Variants in PRRT3 observed in about 807,000 individuals in gnomAD.
PRRT3 encodes proline-rich transmembrane protein 3.
PRRT3 carries 48 observed loss-of-function variants against 56.6 expected under a neutral mutation model. The observed-to-expected ratio is 0.85, with a 90% CI of 0.67 to 1.08. The LOEUF is 1.08. PRRT3 is among the 50% of genes least tolerant of loss of function. The probability of loss-of-function intolerance (pLI) is 0.00; values close to 1 mark genes in which losing one functional copy is unlikely to be tolerated. For synonymous variants in PRRT3, 641 were observed against 619.1 expected, an observed-to-expected ratio of 1.04 and a Z score of -0.52; for missense variants, 1,370 against 1,353.1, an observed-to-expected ratio of 1.01 and a Z score of -0.20.
rs765142052 is a variant in PRRT3, at chr3:9,950,161, C to T, written c.-46G>A. On this transcript the variant is annotated 5_prime_UTR_variant, in exon 2 of 4. Transcript: ENST00000412055. ...CCTAAAGCCCCCACCTTCCAGTCCT[C>T]ACTGGATGAGCCTAAAAAAAAAACA... 7.5e-7 allele frequency: 1 copy of T among 1,339,458 alleles called. No individual in the cohort carries two copies. Among genetic ancestry groups the T allele is most frequent in the East Asian group, 2.6e-5 (1 of 37,846 alleles). 83.0% of individuals were successfully genotyped at this position (1,339,458 alleles called of 1,614,324 possible). A position where few individuals can be genotyped will look rare whatever the true frequency, so the allele number is the denominator to read the frequency against.
chr3:9,947,331 C>A lies in PRRT3; in HGVS notation c.1842G>T (p.Leu614=). The A allele has an allele frequency of 6.2e-7, 1 of 1,606,478 alleles. No individual in the cohort carries two copies. ...GGCGACGGCACAGGCAGAGCGTGCC[C>A]AGAGCCACGGCCGCGCCCCAGGCGC... ...LSCAWGAAVA[L]GTLCLCRRRL... is the part of the protein sequence containing the mutation. Residue 614 remains leucine, a synonymous_variant, in exon 4 of 4, where the codon CTG becomes CTT. Transcript: ENST00000412055. This position sits in a 1 kb window ranked among gnomAD's most constrained non-coding sequence, Gnocchi z 9.2.
In PRRT3 at chr3:9,949,005, A is replaced by G. The variant is rs982502976; in HGVS notation, c.1016-92T>C. 3 of 1,514,368 alleles carry G rather than the reference A, an allele frequency of 2.0e-6. No individual in the cohort carries two copies. Among genetic ancestry groups the G allele is most frequent in the African/African-American group, 1.4e-5 (1 of 71,726 alleles). 93.8% of individuals were successfully genotyped at this position (1,514,368 alleles called of 1,614,324 possible). A position where few individuals can be genotyped will look rare whatever the true frequency, so the allele number is the denominator to read the frequency against. On this transcript the variant is annotated intron_variant, in intron 2 of 3. Transcript: ENST00000412055. This position sits in a 1 kb window ranked among gnomAD's most constrained non-coding sequence, Gnocchi z 4.5. ...AGTCACAATCAACCTCATTTGCCACAAAGAGGAAAATGAGACCTAGAGGGA... is the reference window on the plus strand; with the variant it reads ...AGTCACAATCAACCTCATTTGCCACGAAGAGGAAAATGAGACCTAGAGGGA...
rs994053097 is a variant in PRRT3, at chr3:9,947,861, C to T, written c.1312G>A (p.Ala438Thr). The change falls in exon 4 of 4, where the codon GCC (alanine) becomes ACC (threonine). Residue 438 changes from alanine (A) to threonine (T), a missense_variant. Physicochemically the swap from Ala to Thr is moderately conservative, Grantham distance 58 (BLOSUM62 0). Transcript: ENST00000412055. The surrounding 1 kb of genome is among the most constrained non-coding windows in gnomAD (Gnocchi z 9.2). ...GCTGGGGCTGAAGCCATGGAGCTGGCGGTGGGCTCCGGAGGGGGAGGCTGG... is the reference window on the plus strand; with the variant it reads ...GCTGGGGCTGAAGCCATGGAGCTGGTGGTGGGCTCCGGAGGGGGAGGCTGG... ...LGQPPPPEPTASSMASAPASS... is the reference protein window; with the variant it reads ...LGQPPPPEPTTSSMASAPASS... 3.2e-5 allele frequency: 46 copies of T among 1,425,162 alleles called. No individual in the cohort carries two copies. Among genetic ancestry groups the T allele is most frequent in the East Asian group, 1.4e-4 (5 of 36,674 alleles). The allele number at this position is 1,425,162 out of a possible 1,614,324, so 88.3% of individuals were successfully genotyped here.
chr3:9,949,223 CA>C lies in PRRT3; in HGVS notation c.892del (p.Trp298GlyfsTer46). The C allele has an allele frequency of 6.2e-7, 1 of 1,604,528 alleles. No individual in the cohort carries two copies. Among genetic ancestry groups the C allele is most frequent in the Non-Finnish European group, 8.5e-7 (1 of 1,175,608 alleles). ...TPKRAGAEVS[W>X]EVSSPGPPPK... ...CGGGGGACCTGGGGAGCTGACTTCC[CA>C]GGACACCTCAGCGCCAGCCCTCTTG... is the stretch of plus-strand genomic sequence containing the variant. On this transcript the variant is annotated frameshift_variant, in exon 2 of 4. Transcript: ENST00000412055. LOFTEE classifies it high-confidence loss of function. This position sits in a 1 kb window ranked among gnomAD's most constrained non-coding sequence, Gnocchi z 4.5.
rs1397284001 is a variant in PRRT3 at position 9,948,822 on chromosome 3, A to G, written c.1107T>C (p.Pro369=). The change falls in exon 3 of 4, where the codon CCT becomes CCC. Residue 369 remains proline, a synonymous_variant. Coordinates refer to ENST00000412055, the MANE Select transcript of PRRT3 (RefSeq NM_207351.5). ...CAGCTGGGCCAGGGTCTGAGGGACC[A>G]GGGATGAGAGACTTGGGGGTGCCTG... The part of the protein sequence containing the change: ...EAPGTPKSLI[P]GPSDPGPAVN... The G allele has an allele frequency of 6.2e-7, 1 of 1,613,584 alleles. No individual in the cohort carries two copies. The highest frequency in any genetic ancestry group is 8.5e-7 in the Non-Finnish European group (1 of 1,179,812).
intron 3 of PRRT3, chr3:9,948,468 A>G (rs1314131159): frequency 4.2e-6 from 2 of 480,002 alleles, no homozygotes; most frequent in Non-Finnish European, 7.2e-6. Flanking sequence ...CTGGGACTAC[A>G]GGTATGCACC....
intron 1 of PRRT3, among the ~76,000 whole-genome samples, chr3:9,951,495 C>T (rs2085619156): frequency 6.6e-6 from 1 of 152,192 alleles, no homozygotes; most frequent in Admixed American, 6.5e-5. Flanking sequence ...TCCCATCCTC[C>T]AAACTCGAGT....
rs372682010 is a variant in PRRT3 at position 9,947,624 on chromosome 3, G to A, written c.1549C>T (p.Arg517Ter). 1.3e-6 allele frequency: 2 copies of A among 1,582,984 alleles called. No homozygotes were observed. Among genetic ancestry groups the A allele is most frequent in the Admixed American group, 1.8e-5 (1 of 56,332 alleles). Residue 517 changes from arginine (R) to a stop codon, truncating the protein, a stop_gained, in exon 4 of 4, where the codon CGA becomes TGA. Transcript: ENST00000412055. LOFTEE classifies it high-confidence loss of function. The surrounding 1 kb of genome is among the most constrained non-coding windows in gnomAD (Gnocchi z 9.2). ...AVLVLVASAL[R>*]SAYMLTDPYG... ...GGGTCGGTAAGCATGTAGGCGGATC[G>A]CAGCGCCGAAGCCACGAGCACCAGC...
Position 9,949,807 on chromosome 3 carries a change from T to G in PRRT3, c.309A>C (p.Gln103His), listed in dbSNP as rs1048422415. 1 of 1,614,110 alleles carries G rather than the reference T, an allele frequency of 6.2e-7. No individual in the cohort carries two copies. Among genetic ancestry groups the G allele is most frequent in the Non-Finnish European group, 8.5e-7 (1 of 1,179,980 alleles). ...CTGGGAGTCGTTCTCTCTGAGCTCC[T>G]TGTGCTGCTTTGGGCCCGTACAGGG... ...GPALYGPKAA[Q>H]GAQRERLPVT... Residue 103 changes from glutamine (Q) to histidine (H), a missense_variant, in exon 2 of 4, where the codon CAA becomes CAC. By Grantham distance (24) the Gln-to-His change is conservative. Transcript: ENST00000412055. This position sits in a 1 kb window ranked among gnomAD's most constrained non-coding sequence, Gnocchi z 4.5.
intron 3 of PRRT3, 92 bp from the exon 4 acceptor site, chr3:9,948,093 C>T (rs2085560570): frequency 6.4e-6 from 8 of 1,251,902 alleles, no homozygotes; most frequent in Middle Eastern, 4.1e-4. Flanking sequence ...TTTAACTTTT[C>T]CAAACAAATC....
rs775422802 is a variant in PRRT3, at chr3:9,947,780, G to C, written c.1393C>G (p.Arg465Gly). 1 of 1,469,740 alleles carries C rather than the reference G, an allele frequency of 6.8e-7. No individual in the cohort carries two copies. The highest frequency in any genetic ancestry group is 9.0e-7 in the Non-Finnish European group (1 of 1,112,044). 91.0% of individuals were successfully genotyped at this position (1,469,740 alleles called of 1,614,324 possible). ...APPLRWGPLR[R>G]VLSFSWELHV... Reference sequence around the variant, plus strand: ...AGCTCCCAGGAGAAGCTCAGGACCCGCCGAAGGGGGCCCCAGCGTAGCGGG... The same window carrying C: ...AGCTCCCAGGAGAAGCTCAGGACCCCCCGAAGGGGGCCCCAGCGTAGCGGG... The change falls in exon 4 of 4, where the codon CGG becomes GGG. Residue 465 changes from arginine (R) to glycine (G), a missense_variant. By Grantham distance (125) the Arg-to-Gly change is moderately radical (BLOSUM62 -2). Transcript: ENST00000412055. The surrounding 1 kb of genome is among the most constrained non-coding windows in gnomAD (Gnocchi z 9.2).
At position 9,949,608 on chromosome 3, in the gene PRRT3, G is replaced by C. The variant is rs2085588969; in HGVS notation, c.508C>G (p.Pro170Ala). Residue 170 changes from proline to alanine, a missense_variant, in exon 2 of 4, where the codon CCC (proline) becomes GCC (alanine). Coordinates refer to ENST00000412055, the MANE Select transcript of PRRT3 (RefSeq NM_207351.5). This position sits in a 1 kb window ranked among gnomAD's most constrained non-coding sequence, Gnocchi z 4.5. ...TCTTGGCCTTCATGCTGCAGGGAGG[G>C]AGGAACTGTGGCTACCCTGAGTTGA... ...RRQLRVATVP[P>A]SLQHEGQEGQ... 6.2e-7 allele frequency: 1 copy of C among 1,614,048 alleles called. No individual in the cohort carries two copies. Among genetic ancestry groups the C allele is most frequent in the African/African-American group, 1.3e-5 (1 of 74,934 alleles).
At position 9,949,812 on chromosome 3, in the gene PRRT3, C is replaced by T. The variant is rs775984675; in HGVS notation, c.304G>A (p.Ala102Thr). 2.5e-6 allele frequency: 4 copies of T among 1,614,106 alleles called. No individual in the cohort carries two copies. Among genetic ancestry groups the T allele is most frequent in the Non-Finnish European group, 3.4e-6 (4 of 1,179,986 alleles). Residue 102 changes from alanine (A) to threonine (T), a missense_variant, in exon 2 of 4, where the codon GCA (alanine) becomes ACA (threonine). Transcript: ENST00000412055. The surrounding 1 kb of genome is among the most constrained non-coding windows in gnomAD (Gnocchi z 4.5). ...AGTCGTTCTCTCTGAGCTCCTTGTG[C>T]TGCTTTGGGCCCGTACAGGGCTGGG... The part of the protein sequence containing the change: ...LGPALYGPKA[A>T]QGAQRERLPV...
chr3:9,952,295 C>G (rs547989570), intron 1 of PRRT3, 27 bp downstream of exon 1: 1 of 152,580 alleles, frequency 6.6e-6, no homozygotes, highest in South Asian at 2.1e-4. Flanking sequence ...GTCCCGCCAT[C>G]GCCCCCTCCC....
intron 1 of PRRT3, among the ~76,000 whole-genome samples, chr3:9,951,739 G>A (rs565447840): frequency 3.3e-5 from 5 of 152,158 alleles, no homozygotes; most frequent in Non-Finnish European, 7.3e-5. Flanking sequence ...ACGTCACTCC[G>A]CCCTCCCAAT....
chr3:9,949,433 CCACCCTGTCCTTCCAG>C lies in PRRT3; in HGVS notation c.667_682del (p.Leu223GlyfsTer116). ...TGCCTCCTGCAAGTGTTCCTCAAAC[CCACCCTGTCCTTCCAG>C]CACTGGCCTCTTGACAGTACCTGAG... On this transcript the variant is annotated frameshift_variant, in exon 2 of 4. Transcript: ENST00000412055. LOFTEE classifies it high-confidence loss of function. The surrounding 1 kb of genome is among the most constrained non-coding windows in gnomAD (Gnocchi z 4.5). The C allele has an allele frequency of 6.2e-7, 1 of 1,614,098 alleles. No homozygotes were observed. The highest frequency in any genetic ancestry group is 8.5e-7 in the Non-Finnish European group (1 of 1,180,004).
Position 9,947,567 on chromosome 3 carries a change from C to A in PRRT3, c.1606G>T (p.Gly536Trp). The change falls in exon 4 of 4, where the codon GGG becomes TGG. Residue 536 changes from glycine to tryptophan, a missense_variant. Coordinates refer to ENST00000412055, the MANE Select transcript of PRRT3 (RefSeq NM_207351.5). This position sits in a 1 kb window ranked among gnomAD's most constrained non-coding sequence, Gnocchi z 9.2. ...GGCAGGTTGTAGAGCACCAGGCCCC[C>A]GCGAACGCCCAGCCGCGCCTGCGAG... ...YGSQARLGVR[G>W]GLVLYNLPFP... The A allele has an allele frequency of 6.2e-7, 1 of 1,604,508 alleles. No individual in the cohort carries two copies. The highest frequency in any genetic ancestry group is 2.3e-5 in the East Asian group (1 of 44,348).
rs777105357 is a variant in PRRT3, at chr3:9,947,751, G to A, written c.1422C>T (p.His474=). The A allele has an allele frequency of 1.8e-5, 28 of 1,521,052 alleles. No homozygotes were observed. Among genetic ancestry groups the A allele is most frequent in the African/African-American group, 2.8e-5 (2 of 71,380 alleles). The allele number at this position is 1,521,052 out of a possible 1,614,324, so 94.2% of individuals were successfully genotyped here. A position where few individuals can be genotyped will look rare whatever the true frequency, so the allele number is the denominator to read the frequency against. ...GAAAGAGTACCCCCACCCCGTAGACGTGCAGCTCCCAGGAGAAGCTCAGGA... is the reference window on the plus strand; with the variant it reads ...GAAAGAGTACCCCCACCCCGTAGACATGCAGCTCCCAGGAGAAGCTCAGGA... The part of the protein sequence containing the change: ...RRVLSFSWEL[H]VYGVGVLFLL... Residue 474 remains histidine, a synonymous_variant, in exon 4 of 4, where the codon CAC becomes CAT. Transcript: ENST00000412055. This position sits in a 1 kb window ranked among gnomAD's most constrained non-coding sequence, Gnocchi z 9.2.
At chr3:9,948,632 G>T in intron 3 of PRRT3, 126 bp downstream of exon 3, 1 of 1,092,692 alleles carries the variant, frequency 9.2e-7, no homozygotes, top group Non-Finnish European at 1.4e-6. Context: ...GAGGCCCTGG[G>T]CAACTCCTTT....
Sources: gnomAD v4.1 joint callset for allele counts (sites outside exome capture counted in the v4.1 genomes callset) on GRCh38, gnomAD v4.1.1 for gene constraint, Gnocchi (gnomAD v3.1) non-coding constraint, MANE v1.5 for transcripts, NCBI Gene and HGNC (gene_info 2026-07-23, HGNC 2026-07-21) for gene names.